Variants in PCDHA1 observed in about 807,000 individuals in gnomAD.
PCDHA1 encodes the protein protocadherin alpha 1.
Under a neutral mutation model 61.3 loss-of-function variants are expected in PCDHA1, and 42 were observed. The observed-to-expected ratio is 0.69, with a 90% CI of 0.54 to 0.89. The LOEUF is 0.89. Among genes scored for constraint, PCDHA1 ranks in the 40% least tolerant of loss-of-function variants. The probability of loss-of-function intolerance (pLI) is 0.00; values close to 1 mark genes in which losing one functional copy is unlikely to be tolerated. For missense variants in PCDHA1, 1,256 were observed against 1,235.3 expected, an observed-to-expected ratio of 1.02 and a Z score of -0.25; for synonymous variants, 610 against 553.8, an observed-to-expected ratio of 1.10 and a Z score of -1.43.
At chr5:140,795,948 T>C in intron 1 of PCDHA1, 1 of 1,614,096 alleles carries the variant, frequency 6.2e-7, no homozygotes, top group East Asian at 2.2e-5. Context: ...AAGGAACCCC[T>C]TCAATGTCAG....
intron 1 of PCDHA1, chr5:140,856,419 A>G: frequency 6.3e-7 from 1 of 1,598,426 alleles, no homozygotes; most frequent in Non-Finnish European, 8.6e-7. Context: ...GAAGTGAAGG[A>G]CATTAACGAC....
intron 1 of PCDHA1, chr5:140,810,983 G>A (rs1476583149): frequency 6.6e-6 from 1 of 151,936 alleles, no homozygotes; most frequent in Non-Finnish European, 1.5e-5. Flanking sequence ...TGTGAGGTAG[G>A]GGTCAAGATT....
In PCDHA1 at chr5:140,836,004, G is replaced by T. The variant is rs1554135533; in HGVS notation, c.2394+47320G>T. On this transcript the variant is annotated intron_variant, in intron 1 of 3. Transcript: ENST00000504120. ...GTTCCAGGTGAGCGCGCGCGATGCG[G>T]GCGTGCCGCCTCTGGGCAGCAACGT... is the stretch of plus-strand genomic sequence containing the variant. 1.9e-6 allele frequency: 3 copies of T among 1,613,274 alleles called. No homozygotes were observed. The African/African-American group carries it at 4.0e-5, about 22-fold the overall frequency.
intron 1 of PCDHA1, among the ~76,000 whole-genome samples, chr5:140,904,827 T>A (rs1554191731): frequency 2.0e-5 from 3 of 152,064 alleles, no homozygotes; most frequent in African/African-American, 7.2e-5. Context: ...AGCATTTTTT[T>A]ATATGTTTCA....
At chr5:140,983,642 G>A (rs954814692) in intron 3 of PCDHA1, among the ~76,000 whole-genome samples, 3 of 152,174 alleles carry the variant, frequency 2.0e-5, no homozygotes, top group African/African-American at 7.2e-5. Flanking sequence ...CCAAGTTCAC[G>A]TAGCTTGTAA....
chr5:140,842,789 G>T (rs1554139384), intron 1 of PCDHA1: 1 of 1,594,392 alleles, frequency 6.3e-7, no homozygotes, highest in African/African-American at 1.3e-5. Context: ...GAACGCGCTG[G>T]TGTCCTACTC....
At chr5:140,916,323 C>G (rs1035282237) in intron 1 of PCDHA1, among the ~76,000 whole-genome samples, 2 of 152,210 alleles carry the variant, frequency 1.3e-5, no homozygotes. Flanking sequence ...ACAAAGTCCC[C>G]TTTACTTTTT....
chr5:140,852,671 T>C (rs1371221007), intron 1 of PCDHA1: 3 of 965,758 alleles, frequency 3.1e-6, no homozygotes, highest in East Asian at 1.1e-4. Context: ...TCAGCACAAC[T>C]CACCTTGAAT....
rs1008533110 is a variant in PCDHA1 at position 140,836,734 on chromosome 5, A to G, written c.2394+48050A>G. The G allele has an allele frequency of 6.2e-7, 1 of 1,605,696 alleles. No homozygotes were observed. On this transcript the variant is annotated intron_variant, in intron 1 of 3. Transcript: ENST00000504120. ...CTTCCTCAGGGTCCATCCTCTACAG[A>G]CAATGTGAGTCATAAATAATCTTGT...
chr5:140,849,684 C>A (rs782599904), intron 1 of PCDHA1: 2 of 1,598,734 alleles, frequency 1.3e-6, no homozygotes, highest in Non-Finnish European at 8.6e-7. Flanking sequence ...CCCCTTCAAG[C>A]TGGTGTCCAC....
At chr5:140,854,902 A>G (rs2043266382) in intron 1 of PCDHA1, among the ~76,000 whole-genome samples, 1 of 150,050 alleles carries the variant, frequency 6.7e-6, no homozygotes, top group African/African-American at 2.4e-5. Flanking sequence ...AAGCGTAAAT[A>G]TAACAGGGTT....
At chr5:140,905,407 A>G (rs2071810139) in intron 1 of PCDHA1, among the ~76,000 whole-genome samples, 1 of 152,158 alleles carries the variant, frequency 6.6e-6, no homozygotes, top group Non-Finnish European at 1.5e-5. Context: ...CTATTTTTAT[A>G]CCAGTACCAT....
chr5:140,966,699 C>A, intron 1 of PCDHA1: 1 of 1,361,588 alleles, frequency 7.3e-7, no homozygotes, highest in Non-Finnish European at 9.4e-7. Context: ...GGGGCCCGGG[C>A]GTGGGGCACG....
In PCDHA1 at chr5:140,796,847, C is replaced by A. The variant is rs782019473; in HGVS notation, c.2394+8163C>A. On this transcript the variant is annotated intron_variant, in intron 1 of 3. Coordinates refer to ENST00000504120, the MANE Select transcript of PCDHA1 (RefSeq NM_018900.4). ...ATCCCGTTCCGCGTGGGGCTATACA[C>A]GGGTGAGATCAGCACGACACGTGCC... 17 of 1,613,950 alleles carry A rather than the reference C, an allele frequency of 1.1e-5. No homozygotes were observed. In the South Asian group the frequency reaches 1.8e-4, roughly 17 times the overall value.
At chr5:140,946,634 A>ATATATAT (rs1554217761) in intron 1 of PCDHA1, among the ~76,000 whole-genome samples, 3 of 147,376 alleles carry the variant, frequency 2.0e-5, no homozygotes, top group African/African-American at 5.1e-5. Context: ...ATATATATAC[A>ATATATAT]ATGGAATACT....
At chr5:140,975,978 A>T (rs964939685) in intron 1 of PCDHA1, among the ~76,000 whole-genome samples, 1 of 152,142 alleles carries the variant, frequency 6.6e-6, no homozygotes, top group African/African-American at 2.4e-5. Context: ...AAGTAAGCAT[A>T]GTCCTGGGAG....
intron 1 of PCDHA1, among the ~76,000 whole-genome samples, chr5:140,913,872 G>A (rs2076493472): frequency 6.6e-6 from 1 of 151,980 alleles, no homozygotes; most frequent in Non-Finnish European, 1.5e-5. Flanking sequence ...TAATTTCCAT[G>A]TGTTCATGTA....
At position 140,856,052 on chromosome 5, in the gene PCDHA1, G is replaced by A. The variant is rs782444703; in HGVS notation, c.2394+67368G>A. 5.7e-6 allele frequency: 9 copies of A among 1,585,062 alleles called. 1 individual carries two copies. Among genetic ancestry groups the A allele is most frequent in the African/African-American group, 5.4e-5 (4 of 73,974 alleles). On this transcript the variant is annotated intron_variant, in intron 1 of 3. Coordinates refer to ENST00000504120, the MANE Select transcript of PCDHA1 (RefSeq NM_018900.4). The stretch of plus-strand genomic sequence containing the variant: ...TGTAAAACAAGAGAAGGATAAGATG[G>A]TTTCCAGATGTAGCTGCCTGGGGGT...
rs2150110704 is a variant in PCDHA1 at position 140,821,793 on chromosome 5, A to G, written c.2394+33109A>G. The G allele has an allele frequency of 9.3e-6, 15 of 1,612,486 alleles. No homozygotes were observed. The East Asian group carries it at 3.3e-4, about 36-fold the overall frequency. ...AGATTGAGATGGTATATTCCCGGAG[A>G]GGAAGTCTGGGATCCCGGCTCCTGC... On this transcript the variant is annotated intron_variant, in intron 1 of 3. Coordinates refer to ENST00000504120, the MANE Select transcript of PCDHA1 (RefSeq NM_018900.4).
Sources: allele counts gnomAD v4.1 joint callset (sites outside exome capture counted in the v4.1 genomes callset), GRCh38; gene constraint gnomAD v4.1.1; transcripts MANE v1.5; gene names NCBI Gene and HGNC (gene_info 2026-07-23, HGNC 2026-07-21).